FREM1: variants seen among roughly 807,000 people sequenced by gnomAD.
The protein encoded by FREM1 is FRAS1-related extracellular matrix protein 1.
A neutral mutation model predicts 210.1 loss-of-function variants in FREM1; 220 were observed. That is an observed-to-expected ratio of 1.05 (90% CI 0.94 to 1.17). The LOEUF (loss-of-function observed/expected upper bound fraction) is 1.17, where lower values mean the gene tolerates loss of function less well. FREM1 is among the 50% of genes most tolerant of loss of function. FREM1 has a pLI of 0.00. For synonymous variants in FREM1, 1,189 were observed against 980.2 expected, an observed-to-expected ratio of 1.21 and a Z score of -3.98; for missense variants, 3,454 against 2,675.5, an observed-to-expected ratio of 1.29 and a Z score of -6.42.
intron 1 of FREM1, among the ~76,000 whole-genome samples, chr9:14,874,666 C>T (rs561411848): frequency 2.0e-5 from 3 of 151,952 alleles, no homozygotes; most frequent in Non-Finnish European, 4.4e-5. Flanking sequence ...AGTCCATTGA[C>T]ATTTAAACTT....
At chr9:14,771,756 G>T (rs1316354889) in intron 25 of FREM1, among the ~76,000 whole-genome samples, 1 of 152,032 alleles carries the variant, frequency 6.6e-6, no homozygotes, top group Non-Finnish European at 1.5e-5. Context: ...TCAATGATAA[G>T]ACCATGTATA....
intron 29 of FREM1, chr9:14,751,606 G>C (rs1407958240): frequency 2.0e-5 from 3 of 152,360 alleles, no homozygotes; most frequent in African/African-American, 4.8e-5. Context: ...GCTGCAGTGA[G>C]CCCAGGATGT....
intron 7 of FREM1, among the ~76,000 whole-genome samples, chr9:14,846,983 T>C (rs956839681): frequency 6.6e-6 from 1 of 152,176 alleles, no homozygotes; most frequent in African/African-American, 2.4e-5. Context: ...ACCAACCTTG[T>C]GGCTGATCAG....
chr9:14,745,329 G>C lies in FREM1; in HGVS notation c.6254+1024C>G, dbSNP rs149839828. ...ATTTATACTTCAAACTATTCTAGTA[G>C]GTGTGAAGTGGTATTTCATTGTGGT... On this transcript the variant is annotated intron_variant, in intron 35 of 36. Transcript: ENST00000380880. 2.2e-3 allele frequency among the ~76,000 whole-genome samples: 334 copies of C among 152,248 alleles called. 1 individual carries two copies. The highest frequency in any genetic ancestry group is 7.5e-3 in the African/African-American group (310 of 41,540).
chr9:14,895,920 G>C (rs983176398), intron 1 of FREM1, among the ~76,000 whole-genome samples: 4 of 152,086 alleles, frequency 2.6e-5, no homozygotes, highest in African/African-American at 9.7e-5. Context: ...ATAAAAGGGA[G>C]GGGGGAAATG....
intron 1 of FREM1, among the ~76,000 whole-genome samples, chr9:14,883,190 T>A (rs905050089): frequency 6.6e-6 from 1 of 152,128 alleles, no homozygotes; most frequent in Admixed American, 6.5e-5. Context: ...TTTCTCATAG[T>A]CTTACAACAG....
chr9:14,890,447 C>CAATAT (rs767992017), intron 1 of FREM1, among the ~76,000 whole-genome samples: 42 of 152,318 alleles, frequency 2.8e-4, no homozygotes, highest in Non-Finnish European at 4.9e-4. Context: ...TAAAAATTCA[C>CAATAT]AATATAATAT....
chr9:14,858,580 G>C (rs954059068), intron 4 of FREM1, among the ~76,000 whole-genome samples: 1 of 148,748 alleles, frequency 6.7e-6, no homozygotes, highest in African/African-American at 2.5e-5. Context: ...CTGTCATTCT[G>C]TCCAAAATTC....
chr9:14,883,614 T>G (rs552246293), intron 1 of FREM1, among the ~76,000 whole-genome samples: 22 of 152,258 alleles, frequency 1.4e-4, no homozygotes, highest in Middle Eastern at 3.4e-3. Context: ...AAACAAGATT[T>G]CACAGTGATG....
Position 14,769,740 on chromosome 9 carries a change from A to C in FREM1, c.5188T>G (p.Ser1730Ala), listed in dbSNP as rs370677344. 4.5e-5 allele frequency: 72 copies of C among 1,612,456 alleles called. No homozygotes were observed. The highest frequency in any genetic ancestry group is 5.9e-5 in the Non-Finnish European group (70 of 1,179,088). Residue 1730 changes from serine (S) to alanine (A), a missense_variant, in exon 27 of 37, where the codon TCG (serine) becomes GCG (alanine). By Grantham distance (99) the Ser-to-Ala change is moderately conservative (BLOSUM62 1). Transcript: ENST00000380880. ...EFQIMDPTGNSATPQILELKW... is the reference protein window; with the variant it reads ...EFQIMDPTGNAATPQILELKW... ...AGAATTTACATTTGAGGAGTGGCCGAGTTCCCTGTGGGGTCCATGATTTGA... is the reference window on the plus strand; with the variant it reads ...AGAATTTACATTTGAGGAGTGGCCGCGTTCCCTGTGGGGTCCATGATTTGA...
At chr9:14,895,211 T>C (rs914369002) in intron 1 of FREM1, among the ~76,000 whole-genome samples, 1 of 152,194 alleles carries the variant, frequency 6.6e-6, no homozygotes, top group Non-Finnish European at 1.5e-5. Flanking sequence ...TAAAAGCCTA[T>C]GTGAAAAATA....
rs2270530 is a variant in FREM1 at position 14,747,159 on chromosome 9, A to C, written c.6009+105T>G. The C allele has an allele frequency of 0.33, 515,886 of 1,575,296 alleles. 85,556 individuals carry two copies. The highest frequency in any genetic ancestry group is 0.38 in the African/African-American group (27,909 of 73,762). ...TTGTTGGGAAGCATTTGTGTTGGGTAAACTATCCCCCCAACCTTGGAGGCT... is the reference window on the plus strand; with the variant it reads ...TTGTTGGGAAGCATTTGTGTTGGGTCAACTATCCCCCCAACCTTGGAGGCT... On this transcript the variant is annotated intron_variant, in intron 33 of 36. Coordinates refer to ENST00000380880, the MANE Select transcript of FREM1 (RefSeq NM_001379081.2).
chr9:14,849,061 C>T (rs1827195702), intron 6 of FREM1, among the ~76,000 whole-genome samples: 1 of 152,208 alleles, frequency 6.6e-6, no homozygotes, highest in African/African-American at 2.4e-5. Context: ...AGACCAACCC[C>T]TTCCCACATT....
intron 10 of FREM1, among the ~76,000 whole-genome samples, chr9:14,838,955 A>G (rs1825145329): frequency 6.6e-6 from 1 of 152,226 alleles, no homozygotes; most frequent in Non-Finnish European, 1.5e-5. Context: ...CAGCAAGTCC[A>G]TAGTCTGGAG....
At chr9:14,820,122 C>A (rs527655386) in intron 13 of FREM1, among the ~76,000 whole-genome samples, 1 of 152,300 alleles carries the variant, frequency 6.6e-6, no homozygotes, top group African/African-American at 2.4e-5. Flanking sequence ...TATTTTATCA[C>A]CTCATTGGGA....
chr9:14,793,476 T>C (rs1404369379), intron 21 of FREM1, among the ~76,000 whole-genome samples: 1 of 152,210 alleles, frequency 6.6e-6, no homozygotes, highest in Non-Finnish European at 1.5e-5. Flanking sequence ...GCTCCTGTCT[T>C]CTTGAACAGT....
intron 7 of FREM1, among the ~76,000 whole-genome samples, chr9:14,846,827 C>T (rs1029338159): frequency 7.9e-5 from 12 of 152,322 alleles, no homozygotes; most frequent in Admixed American, 4.6e-4. Context: ...CTTCACCTGC[C>T]ATCCCGGCCT....
At chr9:14,792,540 A>C (rs1226797191) in intron 22 of FREM1, among the ~76,000 whole-genome samples, 2 of 152,170 alleles carry the variant, frequency 1.3e-5, no homozygotes, top group Non-Finnish European at 2.9e-5. Context: ...GCAATGAAGA[A>C]TCTTAATATT....
chr9:14,821,373 C>G (rs1416805791), intron 13 of FREM1, among the ~76,000 whole-genome samples: 1 of 152,066 alleles, frequency 6.6e-6, no homozygotes, highest in Non-Finnish European at 1.5e-5. Flanking sequence ...TTCCTTTACA[C>G]TTTTTAGTTT....
Sources: allele counts gnomAD v4.1 joint callset (sites outside exome capture counted in the v4.1 genomes callset), GRCh38; gene constraint gnomAD v4.1.1; transcripts MANE v1.5; gene names NCBI Gene and HGNC (gene_info 2026-07-23, HGNC 2026-07-21).